CNNM4: variants seen among roughly 807,000 people sequenced by gnomAD.
CNNM4 encodes the protein cyclin and CBS domain divalent metal cation transport mediator 4, also known as metal transporter CNNM4.
CNNM4 carries 32 observed loss-of-function variants against 53.7 expected under a neutral mutation model. That is an observed-to-expected ratio of 0.60 (90% CI 0.45 to 0.80). CNNM4 has a LOEUF of 0.80. Among genes scored for constraint, CNNM4 ranks in the 30% least tolerant of loss-of-function variants. CNNM4 has a pLI of 0.00. For missense variants in CNNM4, 784 were observed against 1,022.0 expected, an observed-to-expected ratio of 0.77 and a Z score of 3.17; for synonymous variants, 410 against 440.0, an observed-to-expected ratio of 0.93 and a Z score of 0.85.
intron 1 of CNNM4, among the ~76,000 whole-genome samples, chr2:96,768,521 C>G (rs1266478473): frequency 2.0e-5 from 3 of 152,092 alleles, no homozygotes; most frequent in Non-Finnish European, 4.4e-5. Context: ...ACTCGTTGAT[C>G]CTTGTGGAGA....
At chr2:96,789,700 ATT>A (rs576794641) in intron 1 of CNNM4, among the ~76,000 whole-genome samples, 5 of 144,068 alleles carry the variant, frequency 3.5e-5, no homozygotes, top group Admixed American at 6.9e-5. Context: ...TTATTAGTTA[ATT>A]TTTTTTTTTT....
At chr2:96,787,596 G>A (rs1378201725) in intron 1 of CNNM4, among the ~76,000 whole-genome samples, 1 of 152,092 alleles carries the variant, frequency 6.6e-6, no homozygotes, top group South Asian at 2.1e-4. Context: ...GGTGACTCAC[G>A]CCTACAGTCC....
chr2:96,778,535 C>T (rs942300695), intron 1 of CNNM4, among the ~76,000 whole-genome samples: 2 of 147,768 alleles, frequency 1.4e-5, no homozygotes, highest in African/African-American at 2.5e-5. Flanking sequence ...CCAGCCTGGG[C>T]GACAGAGCAA....
At chr2:96,777,869 C>A (rs927788910) in intron 1 of CNNM4, among the ~76,000 whole-genome samples, 1 of 150,722 alleles carries the variant, frequency 6.6e-6, no homozygotes, top group Non-Finnish European at 1.5e-5. Context: ...GAACTCTCTG[C>A]CTTTTTTTTT....
intron 1 of CNNM4, chr2:96,788,635 C>T (rs1452169663): frequency 1.3e-5 from 2 of 152,490 alleles, no homozygotes; most frequent in Non-Finnish European, 2.9e-5. Flanking sequence ...CAGAGAATCG[C>T]CAAGAAATCA....
At chr2:96,774,998 A>T (rs201005207) in intron 1 of CNNM4, among the ~76,000 whole-genome samples, 4 of 116,396 alleles carry the variant, frequency 3.4e-5, no homozygotes, top group Non-Finnish European at 5.3e-5. Flanking sequence ...AAAAAAAAAA[A>T]GCCAGAAGAT....
chr2:96,772,726 C>T (rs527558256), intron 1 of CNNM4, among the ~76,000 whole-genome samples: 1 of 113,694 alleles, frequency 8.8e-6, no homozygotes, highest in Non-Finnish European at 1.8e-5. Flanking sequence ...CACACACATG[C>T]GTGCACACAC....
In CNNM4 at chr2:96,808,743, G is replaced by A. The variant is rs1403924382; in HGVS notation, c.2130+1G>A. ...ACTCGTGGACTTGCAGTACATCAAGGTGAGTGCCTCACTGCCCTGTCTGGG... is the reference window on the plus strand; with the variant it reads ...ACTCGTGGACTTGCAGTACATCAAGATGAGTGCCTCACTGCCCTGTCTGGG... On this transcript the variant is annotated splice_donor_variant, in intron 6 of 6. Transcript: ENST00000377075. LOFTEE classifies it high-confidence loss of function. The surrounding 1 kb of genome is among the most constrained non-coding windows in gnomAD (Gnocchi z 4.9). The A allele has an allele frequency of 4.3e-6, 7 of 1,614,010 alleles. No individual in the cohort carries two copies. The highest frequency in any genetic ancestry group is 5.9e-6 in the Non-Finnish European group (7 of 1,179,902).
intron 5 of CNNM4, among the ~76,000 whole-genome samples, chr2:96,804,787 C>T (rs1186044300): frequency 1.3e-5 from 2 of 152,058 alleles, no homozygotes. Flanking sequence ...CCGCCCGCCT[C>T]AGCCTCCCAA....
intron 1 of CNNM4, among the ~76,000 whole-genome samples, chr2:96,783,996 A>G (rs1039564805): frequency 6.6e-6 from 1 of 152,244 alleles, no homozygotes; most frequent in East Asian, 1.9e-4. Context: ...CACAGTTAAC[A>G]GTAGTTATCT....
At position 96,800,088 on chromosome 2, in the gene CNNM4, G is replaced by A. The variant is rs778503420; in HGVS notation, c.1948+440G>A. The stretch of plus-strand genomic sequence containing the variant: ...AGGCTGCAGATGGGTTTGGCTTTTC[G>A]GAGGACGCGGCTACTGGGTTTTGGT... On this transcript the variant is annotated intron_variant, in intron 5 of 6. Coordinates refer to ENST00000377075, the MANE Select transcript of CNNM4 (RefSeq NM_020184.4). This position sits in a 1 kb window ranked among gnomAD's most constrained non-coding sequence, Gnocchi z 4.6. 1.3e-5 allele frequency among the ~76,000 whole-genome samples: 2 copies of A among 152,162 alleles called. No homozygotes were observed. The highest frequency in any genetic ancestry group is 6.5e-5 in the Admixed American group (1 of 15,280).
chr2:96,806,834 C>T (rs761567397), intron 5 of CNNM4, among the ~76,000 whole-genome samples: 1 of 152,156 alleles, frequency 6.6e-6, no homozygotes, highest in Non-Finnish European at 1.5e-5. Context: ...GAAGCCCATT[C>T]TTCCTTATTC....
chr2:96,772,755 C>T (rs550294261), intron 1 of CNNM4, among the ~76,000 whole-genome samples: 165 of 134,676 alleles, frequency 1.2e-3, no homozygotes, highest in Admixed American at 1.9e-3. Flanking sequence ...ACTCATACCC[C>T]CACATAGGCA....
rs1052072852 is a variant in CNNM4, at chr2:96,801,227, C to G, written c.1948+1579C>G. ...ACCTCCCCACATGGACCCGGACCCC[C>G]GCCTGCTCAATGTGGGCCGCCAGAC... is the stretch of plus-strand genomic sequence containing the variant. On this transcript the variant is annotated intron_variant, in intron 5 of 6. Coordinates refer to ENST00000377075, the MANE Select transcript of CNNM4 (RefSeq NM_020184.4). This position sits in a 1 kb window ranked among gnomAD's most constrained non-coding sequence, Gnocchi z 5.6. The G allele has an allele frequency of 5.1e-5, 35 of 692,506 alleles. No homozygotes were observed. The highest frequency in any genetic ancestry group is 1.4e-3 in the Middle Eastern group (2 of 1,404). 42.9% of individuals were successfully genotyped at this position (692,506 alleles called of 1,614,324 possible). A position where few individuals can be genotyped will look rare whatever the true frequency, so the allele number is the denominator to read the frequency against.
intron 5 of CNNM4, among the ~76,000 whole-genome samples, chr2:96,804,348 G>A (rs1354995092): frequency 1.3e-5 from 2 of 150,338 alleles, no homozygotes; most frequent in Non-Finnish European, 2.9e-5. Context: ...TCCTGCCTCA[G>A]CTTCCCGAGT....
chr2:96,782,058 A>C (rs2078979998), intron 1 of CNNM4, among the ~76,000 whole-genome samples: 1 of 152,154 alleles, frequency 6.6e-6, no homozygotes, highest in Non-Finnish European at 1.5e-5. Flanking sequence ...GCTAATCCCA[A>C]ATTTATTGTA....
intron 1 of CNNM4, among the ~76,000 whole-genome samples, chr2:96,782,541 G>T (rs2153346802): frequency 1.3e-5 from 2 of 151,512 alleles, no homozygotes; most frequent in Non-Finnish European, 2.9e-5. Flanking sequence ...AAAAATAATT[G>T]TTTGATAGTG....
At chr2:96,806,087 C>T (rs1246314930) in intron 5 of CNNM4, among the ~76,000 whole-genome samples, 1 of 146,388 alleles carries the variant, frequency 6.8e-6, no homozygotes, top group African/African-American at 2.8e-5. Context: ...GCTGACCCCC[C>T]CCAACCTCCC....
chr2:96,793,463 G>T (rs959924760), intron 1 of CNNM4, among the ~76,000 whole-genome samples: 1 of 152,236 alleles, frequency 6.6e-6, no homozygotes, highest in Non-Finnish European at 1.5e-5. Context: ...TCAGCTTGCA[G>T]AGGAGGGGTG....
Sources: allele counts gnomAD v4.1 joint callset (sites outside exome capture counted in the v4.1 genomes callset), GRCh38; gene constraint gnomAD v4.1.1; non-coding constraint Gnocchi (gnomAD v3.1); transcripts MANE v1.5; gene names NCBI Gene and HGNC (gene_info 2026-07-23, HGNC 2026-07-21).